The following TMEM33 variants were observed in gnomAD, a reference collection of about 807,000 sequenced individuals.
TMEM33 encodes the protein transmembrane protein 33.
Under a neutral mutation model 29.7 loss-of-function variants are expected in TMEM33, and 16 were observed. The ratio of observed to expected loss-of-function variants is 0.54; its 90% confidence interval spans 0.36 to 0.82. The LOEUF is 0.82. Ranked by LOEUF, TMEM33 falls within the 40% of genes least tolerant of loss-of-function variation. The pLI, the probability that TMEM33 is intolerant of heterozygous loss-of-function variation, is 0.00. For missense variants in TMEM33, 252 were observed against 295.3 expected (o/e 0.85, Z 1.08); for synonymous variants, 112 against 109.4 (o/e 1.02, Z -0.15).
In TMEM33 at chr4:41,949,317, G is replaced by C; in HGVS notation, c.546G>C (p.Leu182Phe). The part of the protein sequence containing the change: ...VFMLFSGQGS[L>F]LQPFIYYRFL... ...TTTATTTCAGTGGTCAAGGAAGTTT[G>C]CTCCAACCTTTTATATACTATAGAT... Residue 182 changes from leucine (L) to phenylalanine (F), a missense_variant, in exon 6 of 7, where the codon TTG (leucine) becomes TTC (phenylalanine). Coordinates refer to ENST00000504986, the MANE Select transcript of TMEM33 (RefSeq NM_018126.3). 1.2e-6 allele frequency: 2 copies of C among 1,609,298 alleles called. No individual in the cohort carries two copies. Among genetic ancestry groups the C allele is most frequent in the South Asian group, 1.1e-5 (1 of 90,274 alleles).
chr4:41,953,750 A>G (rs1409128930), intron 6 of TMEM33: 1 of 462,202 alleles, frequency 2.2e-6, no homozygotes, highest in South Asian at 1.5e-5. Flanking sequence ...TTCATCTTAT[A>G]TTTGTGCAGT....
chr4:41,938,532 CCA>C (rs759112647), intron 1 of TMEM33, 68 bp from the exon 2 acceptor site: 19 of 1,411,988 alleles, frequency 1.3e-5, no homozygotes, highest in Non-Finnish European at 1.8e-5. Context: ...GACATAAAAA[CCA>C]CACAGTCTTG....
intron 1 of TMEM33, among the ~76,000 whole-genome samples, chr4:41,935,844 C>T (rs1712204302): frequency 6.6e-6 from 1 of 152,140 alleles, no homozygotes; most frequent in Non-Finnish European, 1.5e-5. Flanking sequence ...TTAAAGATGC[C>T]GCATGAGATT....
chr4:41,939,450 T>A (rs1344172355), intron 3 of TMEM33, 67 bp downstream of exon 3: 6 of 1,542,010 alleles, frequency 3.9e-6, no homozygotes, highest in Non-Finnish European at 5.3e-6. Context: ...CTTCTGATTA[T>A]TTCAGCAATG....
In TMEM33 at chr4:41,956,567, T is replaced by G. The variant is rs962281960; in HGVS notation, c.*2368T>G. 6.6e-6 allele frequency: 1 copy of G among 152,168 alleles called. No individual in the cohort carries two copies. The allele number at this position is 152,168 out of a possible 1,614,324, so 9.4% of individuals were successfully genotyped here. A position where few individuals can be genotyped will look rare whatever the true frequency, so the allele number is the denominator to read the frequency against. On this transcript the variant is annotated 3_prime_UTR_variant, in exon 7 of 7. Transcript: ENST00000504986. ...CTGTTTTGAGTTTTTCCTGTTTATT[T>G]TGAAAAGTACTGTTGGTCAAGATAA...
rs1188475407 is a variant in TMEM33, at chr4:41,955,372, A to T, written c.*1173A>T. 1 of 152,526 alleles carries T rather than the reference A, an allele frequency of 6.6e-6. No individual in the cohort carries two copies. The highest frequency in any genetic ancestry group is 1.5e-5 in the Non-Finnish European group (1 of 68,028). The allele number at this position is 152,526 out of a possible 1,614,324, so 9.4% of individuals were successfully genotyped here. On this transcript the variant is annotated 3_prime_UTR_variant, in exon 7 of 7. Coordinates refer to ENST00000504986, the MANE Select transcript of TMEM33 (RefSeq NM_018126.3). ...TTGTAAAATGTGTTAAATCCTGTTC[A>T]TTGAACTCCCATCAACTCTTATAAA...
At chr4:41,939,417 C>T in intron 3 of TMEM33, 34 bp downstream of exon 3, 7 of 1,600,670 alleles carry the variant, frequency 4.4e-6, no homozygotes, top group Non-Finnish European at 6.0e-6. Context: ...AATGAAATTG[C>T]CAACTAAGCA....
At chr4:41,935,326 C>A (rs1248697487), upstream of TMEM33, 1 of 792,454 alleles carries the variant, frequency 1.3e-6, no homozygotes, top group Non-Finnish European at 2.1e-6. Flanking sequence ...CGAGACCCTT[C>A]CCTGGTGGAG....
intron 6 of TMEM33, among the ~76,000 whole-genome samples, chr4:41,949,793 G>T (rs1712960005): frequency 6.6e-6 from 1 of 152,156 alleles, no homozygotes; most frequent in Admixed American, 6.6e-5. Context: ...GTCCACAGAA[G>T]GGAGAGATCA....
intron 3 of TMEM33, chr4:41,939,966 T>TTG: frequency 2.7e-6 from 1 of 367,104 alleles, no homozygotes; most frequent in Non-Finnish European, 5.3e-6. Context: ...CAAAGGTGTG[T>TTG]TGTGGGATGA....
intron 3 of TMEM33, among the ~76,000 whole-genome samples, chr4:41,943,528 A>AG (rs888377562): frequency 5.3e-5 from 8 of 151,948 alleles, no homozygotes; most frequent in African/African-American, 1.9e-4. Flanking sequence ...TTTGTCTCAA[A>AG]AAAAAAAAAG....
chr4:41,937,087 G>A (rs1211053992), intron 1 of TMEM33, among the ~76,000 whole-genome samples: 1 of 149,654 alleles, frequency 6.7e-6, no homozygotes, highest in East Asian at 1.9e-4. Context: ...TGGTTGGACA[G>A]TTTACTCTTA....
In TMEM33 at chr4:41,956,727, A is replaced by G. The variant is rs971597123; in HGVS notation, c.*2528A>G. ...GAATTATAATATTTCTGATATACTC[A>G]TGTTTGACAAGTTGAAACAGATTTG... On this transcript the variant is annotated 3_prime_UTR_variant, in exon 7 of 7. Transcript: ENST00000504986. 1 of 152,202 alleles carries G rather than the reference A, an allele frequency of 6.6e-6. No homozygotes were observed. Among genetic ancestry groups the G allele is most frequent in the Admixed American group, 6.5e-5 (1 of 15,276 alleles). 9.4% of individuals were successfully genotyped at this position (152,202 alleles called of 1,614,324 possible).
At chr4:41,936,010 G>A (rs1712213859) in intron 1 of TMEM33, among the ~76,000 whole-genome samples, 1 of 152,226 alleles carries the variant, frequency 6.6e-6, no homozygotes, top group South Asian at 2.1e-4. Flanking sequence ...TTTATGAAGA[G>A]AAATATCATT....
chr4:41,952,365 C>CAA, intron 6 of TMEM33, among the ~76,000 whole-genome samples: 1 of 152,102 alleles, frequency 6.6e-6, no homozygotes. Flanking sequence ...AAACAGGACA[C>CAA]AAAAAGGTAG....
At chr4:41,935,192 T>A (rs1039620038), upstream of TMEM33, 15 of 544,180 alleles carry the variant, frequency 2.8e-5, no homozygotes, top group Non-Finnish European at 4.6e-5. Context: ...TCTTTAGGGC[T>A]TCACCCCGAA....
chr4:41,950,905 A>T (rs993503294), intron 6 of TMEM33, among the ~76,000 whole-genome samples: 2 of 152,192 alleles, frequency 1.3e-5, no homozygotes, highest in African/African-American at 4.8e-5. Context: ...AAAGGAAAGG[A>T]TAGCAGTGAA....
chr4:41,941,970 G>T (rs1247853887), intron 3 of TMEM33, among the ~76,000 whole-genome samples: 1 of 152,178 alleles, frequency 6.6e-6, no homozygotes, highest in Non-Finnish European at 1.5e-5. Flanking sequence ...AGACATAAAA[G>T]ACTCATTGGC....
rs554101216 is a variant in TMEM33, at chr4:41,952,275, A to T, written c.615-1795A>T. On this transcript the variant is annotated intron_variant, in intron 6 of 6. Coordinates refer to ENST00000504986, the MANE Select transcript of TMEM33 (RefSeq NM_018126.3). The stretch of plus-strand genomic sequence containing the variant: ...ATTATGCATTACTCCAAATATTATT[A>T]TTCCTGTCTTTCTGTGCAAGCATAT... Among the ~76,000 whole-genome samples the T allele has an allele frequency of 1.5e-4, 23 of 152,344 alleles. 1 individual carries two copies. The highest frequency in any genetic ancestry group is 4.8e-4 in the African/African-American group (20 of 41,592).
Sources: gnomAD v4.1 joint callset for allele counts (sites outside exome capture counted in the v4.1 genomes callset) on GRCh38, gnomAD v4.1.1 for gene constraint, MANE v1.5 for transcripts, NCBI Gene and HGNC (gene_info 2026-07-23, HGNC 2026-07-21) for gene names.